ROBO2: variants seen among roughly 807,000 people sequenced by gnomAD.
ROBO2 encodes the protein roundabout homolog 2.
ROBO2 carries 53 observed loss-of-function variants against 160.8 expected under a neutral mutation model. That is an observed-to-expected ratio of 0.33 (90% CI 0.26 to 0.41). The LOEUF (loss-of-function observed/expected upper bound fraction) is 0.41. Among genes scored for constraint, ROBO2 ranks in the 10% least tolerant of loss-of-function variants. The pLI is 1.00. For synonymous variants in ROBO2, 664 were observed against 611.7 expected, an observed-to-expected ratio of 1.09 and a Z score of -1.26; for missense variants, 1,577 against 1,722.4, an observed-to-expected ratio of 0.92 and a Z score of 1.49.
chr3:77,345,598 C>T (rs1176637565), intron 2 of ROBO2, among the ~76,000 whole-genome samples: 1 of 152,146 alleles, frequency 6.6e-6, no homozygotes, highest in Non-Finnish European at 1.5e-5. Flanking sequence ...ACTCACACAA[C>T]TATCTTTAAA....
chr3:76,411,393 G>A (rs1468657483), intron 2 of ROBO2, among the ~76,000 whole-genome samples: 1 of 152,016 alleles, frequency 6.6e-6, no homozygotes, highest in Non-Finnish European at 1.5e-5. Context: ...AAAATAAATT[G>A]AAATAACAGA....
At chr3:76,691,998 G>A (rs142016582) in intron 2 of ROBO2, among the ~76,000 whole-genome samples, 1 of 152,270 alleles carries the variant, frequency 6.6e-6, no homozygotes, top group African/African-American at 2.4e-5. Context: ...AAGTAGTTGT[G>A]TGTGTAGGAG....
intron 2 of ROBO2, among the ~76,000 whole-genome samples, chr3:77,269,907 CT>C (rs2059382498): frequency 6.6e-6 from 1 of 152,054 alleles, no homozygotes; most frequent in Non-Finnish European, 1.5e-5. Flanking sequence ...ATAAACTAAA[CT>C]GCATAGCAAA....
At chr3:76,941,945 A>G (rs1164502035) in intron 2 of ROBO2, among the ~76,000 whole-genome samples, 2 of 152,188 alleles carry the variant, frequency 1.3e-5, no homozygotes, top group African/African-American at 4.8e-5. Context: ...CCTATAAACC[A>G]CAAGTGATTA....
chr3:77,178,319 A>G (rs981317368), intron 2 of ROBO2, among the ~76,000 whole-genome samples: 3 of 152,058 alleles, frequency 2.0e-5, no homozygotes, highest in African/African-American at 7.2e-5. Flanking sequence ...ATACAGTGGC[A>G]GAATACCTCA....
chr3:76,181,266 G>GT (rs1198469187), intron 2 of ROBO2, among the ~76,000 whole-genome samples: 3 of 152,028 alleles, frequency 2.0e-5, no homozygotes, highest in Admixed American at 6.6e-5. Context: ...TATACACTAA[G>GT]TTTTGTAAGA....
chr3:77,254,550 C>A (rs2090725786), intron 2 of ROBO2, among the ~76,000 whole-genome samples: 1 of 151,716 alleles, frequency 6.6e-6, no homozygotes, highest in South Asian at 2.1e-4. Flanking sequence ...TAGGGTCTTA[C>A]ATGATGTTGA....
At chr3:76,982,072 T>G (rs1476132079) in intron 2 of ROBO2, among the ~76,000 whole-genome samples, 1 of 152,158 alleles carries the variant, frequency 6.6e-6, no homozygotes, top group Non-Finnish European at 1.5e-5. Context: ...AAAAAAAGCC[T>G]TTTAATTTTG....
At position 77,646,211 on chromosome 3, in the gene ROBO2, G is replaced by A. The variant is rs192627093; in HGVS notation, c.*156G>A. ...GACACACAGCCACACATATCCCACAGATATTTTCATTGTGTTCTTCTCTTA... is the reference window on the plus strand; with the variant it reads ...GACACACAGCCACACATATCCCACAAATATTTTCATTGTGTTCTTCTCTTA... On this transcript the variant is annotated 3_prime_UTR_variant, in exon 26 of 26. Transcript: ENST00000461745. The A allele has an allele frequency of 1.3e-5, 6 of 469,952 alleles. No homozygotes were observed. In the East Asian group the frequency reaches 2.0e-4, roughly 16 times the overall value. The allele number at this position is 469,952 out of a possible 1,614,324, so 29.1% of individuals were successfully genotyped here. A position where few individuals can be genotyped will look rare whatever the true frequency, so the allele number is the denominator to read the frequency against.
chr3:76,891,529 G>A (rs1285925790), intron 2 of ROBO2, among the ~76,000 whole-genome samples: 5 of 152,088 alleles, frequency 3.3e-5, no homozygotes, highest in Non-Finnish European at 5.9e-5. Flanking sequence ...ATAATGACAG[G>A]TGTGGTGTTG....
chr3:76,834,082 C>CTTTCTTTCT (rs1553651244), intron 2 of ROBO2, among the ~76,000 whole-genome samples: 3 of 104,384 alleles, frequency 2.9e-5, no homozygotes, highest in Non-Finnish European at 5.9e-5. Flanking sequence ...TTCTTTCTTT[C>CTTTCTTTCT]TTTCTTTCTT....
At chr3:77,471,662 G>A (rs2083362935) in intron 2 of ROBO2, among the ~76,000 whole-genome samples, 1 of 152,162 alleles carries the variant, frequency 6.6e-6, no homozygotes, top group Admixed American at 6.5e-5. Context: ...CATATTAACA[G>A]GAGAAAAAGG....
chr3:76,603,493 T>C (rs1038978356), intron 2 of ROBO2, among the ~76,000 whole-genome samples: 1 of 150,880 alleles, frequency 6.6e-6, no homozygotes, highest in African/African-American at 2.4e-5. Flanking sequence ...TAAAGTCCTA[T>C]TAAATTTCCA....
chr3:76,697,659 A>C (rs2092956043), intron 2 of ROBO2, among the ~76,000 whole-genome samples: 1 of 147,346 alleles, frequency 6.8e-6, no homozygotes, highest in East Asian at 2.1e-4. Flanking sequence ...AAAGAACAAA[A>C]ATTTACATTA....
chr3:76,938,688 G>A (rs539497082), intron 2 of ROBO2, among the ~76,000 whole-genome samples: 68 of 152,012 alleles, frequency 4.5e-4, no homozygotes, highest in African/African-American at 1.6e-3. Flanking sequence ...AAGCAGCCCC[G>A]GCCAGGCGCG....
intron 19 of ROBO2, among the ~76,000 whole-genome samples, chr3:77,600,014 C>T (rs943711818): frequency 6.6e-6 from 1 of 152,112 alleles, no homozygotes; most frequent in Admixed American, 6.6e-5. Context: ...AATGAATTAC[C>T]AATTCCAAGT....
intron 6 of ROBO2, among the ~76,000 whole-genome samples, chr3:77,525,238 GTT>G (rs144170880): frequency 0.25 from 33,688 of 133,844 alleles, 4,583 homozygotes; most frequent in African/African-American, 0.39. Flanking sequence ...TCCACCTGCT[GTT>G]TTTTTTTTTT....
At chr3:76,363,233 A>G (rs1472345196) in intron 2 of ROBO2, among the ~76,000 whole-genome samples, 2 of 151,998 alleles carry the variant, frequency 1.3e-5, no homozygotes. Context: ...ACACATGCAC[A>G]CACAGAGGGA....
At chr3:77,335,507 C>T (rs1581152657) in intron 2 of ROBO2, among the ~76,000 whole-genome samples, 1 of 152,170 alleles carries the variant, frequency 6.6e-6, no homozygotes, top group Admixed American at 6.5e-5. Context: ...ATACAACAAA[C>T]ATGATAGTAT....
Sources: gnomAD v4.1 joint callset for allele counts (sites outside exome capture counted in the v4.1 genomes callset) on GRCh38, gnomAD v4.1.1 for gene constraint, MANE v1.5 for transcripts, NCBI Gene and HGNC (gene_info 2026-07-23, HGNC 2026-07-21) for gene names.